The following GCM1 variants were observed in gnomAD, a reference collection of about 807,000 sequenced individuals.
GCM1 encodes GCM transcription factor 1, also known as chorion-specific transcription factor GCMa.
In GCM1, 2 loss-of-function variants were observed where a neutral mutation model predicts 25.7. The ratio of observed to expected loss-of-function variants is 0.08; its 90% CI spans 0.03 to 0.24. The LOEUF is 0.24. Ranked by LOEUF, GCM1 falls within the 10% of genes least tolerant of loss-of-function variation. The probability of loss-of-function intolerance (pLI) is 1.00; values close to 1 mark genes in which losing one functional copy is unlikely to be tolerated. For missense variants in GCM1, 395 were observed against 538.7 expected (o/e 0.73, Z 2.64); for synonymous variants, 183 against 195.7 (o/e 0.94, Z 0.54).
chr6:53,145,811 T>TA (rs59049517), intron 1 of GCM1, 43 bp from the exon 2 acceptor site: 228 of 486,728 alleles, frequency 4.7e-4, no homozygotes, highest in South Asian at 9.0e-4. Context: ...TAAAGAGATT[T>TA]AAAAAAAAAC....
chr6:53,141,086 C>T (rs565373313), intron 2 of GCM1, among the ~76,000 whole-genome samples: 1 of 152,288 alleles, frequency 6.6e-6, no homozygotes, highest in East Asian at 1.9e-4. Context: ...CTGCACACTC[C>T]TTTCAAACTC....
intron 1 of GCM1, among the ~76,000 whole-genome samples, chr6:53,148,179 G>A (rs1285466868): frequency 1.3e-5 from 2 of 152,158 alleles, no homozygotes; most frequent in African/African-American, 4.8e-5. Context: ...TAAATAACAG[G>A]TATAGAAGAT....
chr6:53,144,415 C>T (rs1287170638), intron 2 of GCM1, among the ~76,000 whole-genome samples: 1 of 144,020 alleles, frequency 6.9e-6, no homozygotes, highest in African/African-American at 2.7e-5. Context: ...ACCAGGCAAA[C>T]CCATCTAAAA....
chr6:53,144,955 A>AAAAG (rs56941605), intron 2 of GCM1, among the ~76,000 whole-genome samples: 21,659 of 142,060 alleles, frequency 0.15, 1,250 homozygotes, highest in African/African-American at 0.25. Context: ...GAAAGAAAAG[A>AAAAG]AAAGAAAGAA....
Position 53,128,748 on chromosome 6 carries a change from C to G in GCM1, c.769G>C (p.Val257Leu). The G allele has an allele frequency of 6.2e-7, 1 of 1,613,768 alleles. No individual in the cohort carries two copies. The highest frequency in any genetic ancestry group is 8.5e-7 in the Non-Finnish European group (1 of 1,179,642). ...ITDLTDQTST[V>L]DPMKLYEKRK... The stretch of plus-strand genomic sequence containing the variant: ...TTTTCATAGAGCTTCATGGGGTCCA[C>G]AGTGGAAGTCTGGTCAGTCAGATCT... Residue 257 changes from valine (V) to leucine (L), a missense_variant, in exon 6 of 6, where the codon GTG becomes CTG. Around this residue, in one of 5 missense-constraint regions of GCM1, gnomAD observed 291 missense variants for 314.6 expected, o/e 0.92. Transcript: ENST00000259803.
intron 3 of GCM1, among the ~76,000 whole-genome samples, chr6:53,132,650 T>C (rs907057033): frequency 6.6e-6 from 1 of 152,152 alleles, no homozygotes; most frequent in Admixed American, 6.5e-5. Flanking sequence ...AGGTGGAGGT[T>C]GCAGTGAGCC....
intron 2 of GCM1, among the ~76,000 whole-genome samples, chr6:53,134,628 T>C (rs948896992): frequency 1.3e-5 from 2 of 152,152 alleles, no homozygotes; most frequent in Non-Finnish European, 2.9e-5. Context: ...CATTTCTCAG[T>C]AGGAATTTTT....
At chr6:53,137,202 G>A (rs9474398) in intron 2 of GCM1, among the ~76,000 whole-genome samples, 10 of 152,240 alleles carry the variant, frequency 6.6e-5, no homozygotes, top group South Asian at 2.1e-4. Context: ...AGAGATTCCC[G>A]GATGGCCAGG....
In GCM1 at chr6:53,128,156, G is replaced by A; in HGVS notation, c.*50C>T. The A allele has an allele frequency of 6.9e-7, 1 of 1,442,956 alleles. No individual in the cohort carries two copies. 89.4% of individuals were successfully genotyped at this position (1,442,956 alleles called of 1,614,324 possible). A position where few individuals can be genotyped will look rare whatever the true frequency, so the allele number is the denominator to read the frequency against. Reference sequence around the variant, plus strand: ...ATTATTTCCTAAGGAAATTCTTTCAGCCCTTCCCCATTTTTGAGGGGCTGG... The same window carrying A: ...ATTATTTCCTAAGGAAATTCTTTCAACCCTTCCCCATTTTTGAGGGGCTGG... On this transcript the variant is annotated 3_prime_UTR_variant, in exon 6 of 6. Coordinates refer to ENST00000259803, the MANE Select transcript of GCM1 (RefSeq NM_003643.4).
rs758572418 is a variant in GCM1 at position 53,134,280 on chromosome 6, A to G, written c.120T>C (p.Tyr40=). ...TDWFQEWPDS[Y]AKHIYSSEDK... Reference sequence around the variant, plus strand: ...CCTCCGAGCTGTAGATGTGTTTGGCATAGGAATCTGGCCACTCCTGGAACC... The same window carrying G: ...CCTCCGAGCTGTAGATGTGTTTGGCGTAGGAATCTGGCCACTCCTGGAACC... The change falls in exon 3 of 6, where the codon TAT becomes TAC. Residue 40 remains tyrosine (Y), a synonymous_variant. Transcript: ENST00000259803. The G allele has an allele frequency of 1.2e-6, 2 of 1,613,950 alleles. No homozygotes were observed. Among genetic ancestry groups the G allele is most frequent in the South Asian group, 1.1e-5 (1 of 91,074 alleles).
chr6:53,140,100 C>T (rs1278664687), intron 2 of GCM1, among the ~76,000 whole-genome samples: 1 of 152,090 alleles, frequency 6.6e-6, no homozygotes, highest in African/African-American at 2.4e-5. Context: ...GTCCAAATAG[C>T]AGAGGCCCCA....
At chr6:53,136,753 T>A (rs1287114625) in intron 2 of GCM1, among the ~76,000 whole-genome samples, 1 of 152,086 alleles carries the variant, frequency 6.6e-6, no homozygotes, top group East Asian at 1.9e-4. Flanking sequence ...GGCAGGTGGA[T>A]CACCTGAGGT....
chr6:53,145,743 T>TTGGACCA lies in GCM1; in HGVS notation c.-118_-112dup. The TTGGACCA allele has an allele frequency of 2.9e-6, 2 of 678,426 alleles. No homozygotes were observed. Among genetic ancestry groups the TTGGACCA allele is most frequent in the Non-Finnish European group, 5.3e-6 (2 of 379,460 alleles). 42.0% of individuals were successfully genotyped at this position (678,426 alleles called of 1,614,324 possible). A position where few individuals can be genotyped will look rare whatever the true frequency, so the allele number is the denominator to read the frequency against. Reference sequence around the variant, plus strand: ...AGCTGGATCGGCCCACTCAAGCACCTTGGACCAGGAGATTGTTTTCTAGGG... The same window carrying TTGGACCA: ...AGCTGGATCGGCCCACTCAAGCACCTTGGACCATGGACCAGGAGATTGTTTTCTAGGG... On this transcript the variant is annotated 5_prime_UTR_variant, in exon 2 of 6. It adds an upstream start codon to the 5' untranslated region. Coordinates refer to ENST00000259803, the MANE Select transcript of GCM1 (RefSeq NM_003643.4).
intron 5 of GCM1, among the ~76,000 whole-genome samples, chr6:53,129,719 G>A (rs561940769): frequency 1.3e-5 from 2 of 152,164 alleles, no homozygotes; most frequent in Non-Finnish European, 2.9e-5. Flanking sequence ...TCTTAGTGCT[G>A]GTTGGAGTGT....
In GCM1 at chr6:53,134,441, T is replaced by A. The variant is rs7764947; in HGVS notation, c.76-117A>T. On this transcript the variant is annotated intron_variant, in intron 2 of 5. Coordinates refer to ENST00000259803, the MANE Select transcript of GCM1 (RefSeq NM_003643.4). ...GCATTCAGGAGCTGGGCAAGAGACCTTTGGCAAAAGCCTCCCTACATTTAA... is the reference window on the plus strand; with the variant it reads ...GCATTCAGGAGCTGGGCAAGAGACCATTGGCAAAAGCCTCCCTACATTTAA... 5.3e-6 allele frequency: 5 copies of A among 937,946 alleles called. No individual in the cohort carries two copies. In the East Asian group the frequency reaches 7.4e-5, roughly 14 times the overall value. 58.1% of individuals were successfully genotyped at this position (937,946 alleles called of 1,614,324 possible).
chr6:53,142,041 A>C (rs143013551), intron 2 of GCM1, among the ~76,000 whole-genome samples: 36 of 110,856 alleles, frequency 3.2e-4, no homozygotes, highest in African/African-American at 1.2e-3. Flanking sequence ...AAAAAAAAAA[A>C]CAGAAAGAAA....
intron 2 of GCM1, among the ~76,000 whole-genome samples, chr6:53,141,307 C>T (rs1177006889): frequency 6.6e-6 from 1 of 152,184 alleles, no homozygotes; most frequent in Admixed American, 6.5e-5. Context: ...TCAAAATTAA[C>T]CCATAAACCT....
chr6:53,132,737 A>C (rs1219472119), intron 3 of GCM1, among the ~76,000 whole-genome samples: 1 of 152,152 alleles, frequency 6.6e-6, no homozygotes, highest in African/African-American at 2.4e-5. Flanking sequence ...AAGTTCTTTC[A>C]CTTCACAATT....
rs189737956 is a variant in GCM1, at chr6:53,148,285, T to C, written c.-137+469A>G. Reference sequence around the variant, plus strand: ...TTGTTATAACTAATTGGAATAGATCTACTTTTTAAAAACCTTGGCAAATAA... The same window carrying C: ...TTGTTATAACTAATTGGAATAGATCCACTTTTTAAAAACCTTGGCAAATAA... On this transcript the variant is annotated intron_variant, in intron 1 of 5. Transcript: ENST00000259803. Among the ~76,000 whole-genome samples, 46 of 152,346 alleles carry C rather than the reference T, an allele frequency of 3.0e-4. 1 individual carries two copies. Among genetic ancestry groups the C allele is most frequent in the African/African-American group, 1.0e-3 (43 of 41,580 alleles).
Sources: allele counts gnomAD v4.1 joint callset (sites outside exome capture counted in the v4.1 genomes callset), GRCh38; gene constraint gnomAD v4.1.1; regional missense constraint gnomAD v4.1.1; transcripts MANE v1.5; gene names NCBI Gene and HGNC (gene_info 2026-07-23, HGNC 2026-07-21).